The following FAM114A2 variants were observed in gnomAD, a reference collection of about 807,000 sequenced individuals.
FAM114A2 encodes family with sequence similarity 114 member A2.
FAM114A2 carries 53 observed loss-of-function variants against 58.4 expected under a neutral mutation model. The ratio of observed to expected loss-of-function variants is 0.91; its 90% confidence interval spans 0.73 to 1.14. The LOEUF (loss-of-function observed/expected upper bound fraction) is 1.14. Among genes scored for constraint, FAM114A2 ranks in the 50% most tolerant of loss-of-function variants. The probability of loss-of-function intolerance (pLI) is 0.00; values close to 1 mark genes in which losing one functional copy is unlikely to be tolerated. For missense variants in FAM114A2, 601 were observed against 581.1 expected, an observed-to-expected ratio of 1.03 and a Z score of -0.35; for synonymous variants, 228 against 211.4, an observed-to-expected ratio of 1.08 and a Z score of -0.68.
chr5:154,007,109 T>G (rs1770403768), intron 9 of FAM114A2, among the ~76,000 whole-genome samples: 1 of 152,142 alleles, frequency 6.6e-6, no homozygotes. Context: ...GATATTTTAG[T>G]AGGCATAGAG....
In FAM114A2 at chr5:153,997,306, T is replaced by C. The variant is rs1769635580; in HGVS notation, c.1329+497A>G. ...ATTCACATAAAAACATACATGCATG[T>C]TCATAGCAACATTATTCATTATAGC... On this transcript the variant is annotated intron_variant, in intron 12 of 13. Transcript: ENST00000351797. Among the ~76,000 whole-genome samples, 4 of 152,156 alleles carry C rather than the reference T, an allele frequency of 2.6e-5. No individual in the cohort carries two copies. The South Asian group carries it at 8.3e-4, about 32-fold the overall frequency.
chr5:154,020,037 T>G (rs1236240453), intron 8 of FAM114A2, among the ~76,000 whole-genome samples: 1 of 152,212 alleles, frequency 6.6e-6, no homozygotes, highest in Admixed American at 6.5e-5. Flanking sequence ...AACCTGCTCC[T>G]GAATGACCAC....
intron 8 of FAM114A2, among the ~76,000 whole-genome samples, chr5:154,014,480 G>A (rs927912892): frequency 1.3e-5 from 2 of 152,282 alleles, no homozygotes; most frequent in Non-Finnish European, 2.9e-5. Flanking sequence ...TACTGTGAGT[G>A]CCCAAATAGT....
chr5:154,015,057 A>G (rs1195894970), intron 8 of FAM114A2, among the ~76,000 whole-genome samples: 1 of 152,074 alleles, frequency 6.6e-6, no homozygotes, highest in African/African-American at 2.4e-5. Context: ...TGCATGACAC[A>G]GCAGAGGCAG....
At chr5:154,028,060 A>G in intron 6 of FAM114A2, 89 bp downstream of exon 6, 1 of 1,197,118 alleles carries the variant, frequency 8.4e-7, no homozygotes, top group Non-Finnish European at 1.2e-6. Flanking sequence ...ATGCTTGAAA[A>G]GAAAACACTA....
In FAM114A2 at chr5:153,991,929, C is replaced by T. The variant is rs1222236015; in HGVS notation, c.*1047G>A. ...GACAGCTTAATAGTCTCTTAAATTG[C>T]TGAAGAGAGCAAAAGAAAGCTTAAG... On this transcript the variant is annotated 3_prime_UTR_variant, in exon 14 of 14. Transcript: ENST00000351797. The T allele has an allele frequency of 6.6e-6, 1 of 151,916 alleles. No homozygotes were observed. Among genetic ancestry groups the T allele is most frequent in the African/African-American group, 2.4e-5 (1 of 41,372 alleles). 9.4% of individuals were successfully genotyped at this position (151,916 alleles called of 1,614,324 possible).
chr5:153,998,495 C>A (rs550953487), intron 11 of FAM114A2, among the ~76,000 whole-genome samples: 5 of 152,244 alleles, frequency 3.3e-5, no homozygotes, highest in African/African-American at 1.2e-4. Flanking sequence ...TAAATTAGGT[C>A]CCAGAGAACA....
intron 8 of FAM114A2, among the ~76,000 whole-genome samples, chr5:154,025,180 T>C (rs1771696101): frequency 6.6e-6 from 1 of 152,190 alleles, no homozygotes; most frequent in Non-Finnish European, 1.5e-5. Context: ...ACCATCATAC[T>C]TCAGTAGGCA....
At position 154,035,070 on chromosome 5, in the gene FAM114A2, A is replaced by G. The variant is rs536168332; in HGVS notation, c.-14-103T>C. ...GATTATCATAGATTCACATACAAGT[A>G]TAAGGAATAATACAGAGATCCCATA... On this transcript the variant is annotated intron_variant, in intron 1 of 13. Coordinates refer to ENST00000351797, the MANE Select transcript of FAM114A2 (RefSeq NM_018691.4). 2.9e-4 allele frequency: 195 copies of G among 673,390 alleles called. 1 individual carries two copies. Among genetic ancestry groups the G allele is most frequent in the Middle Eastern group, 8.0e-4 (2 of 2,492 alleles). The allele number at this position is 673,390 out of a possible 1,614,324, so 41.7% of individuals were successfully genotyped here. A position where few individuals can be genotyped will look rare whatever the true frequency, so the allele number is the denominator to read the frequency against.
intron 8 of FAM114A2, among the ~76,000 whole-genome samples, chr5:154,016,005 A>T (rs1771016157): frequency 2.6e-5 from 4 of 152,098 alleles, no homozygotes; most frequent in Admixed American, 2.6e-4. Flanking sequence ...AATAGAATTG[A>T]ACAAGCAGAA....
At chr5:154,033,725 GAA>G in intron 4 of FAM114A2, 64 bp downstream of exon 4, 1 of 951,870 alleles carries the variant, frequency 1.1e-6, no homozygotes, top group Non-Finnish European at 1.7e-6. Flanking sequence ...AATACCTACT[GAA>G]AAATTAGTTC....
intron 10 of FAM114A2, among the ~76,000 whole-genome samples, chr5:154,002,610 C>T (rs1402377605): frequency 6.6e-6 from 1 of 152,164 alleles, no homozygotes; most frequent in East Asian, 1.9e-4. Context: ...ATTTAGATAA[C>T]AAGTGTCAGG....
chr5:154,019,569 A>G (rs1184536490), intron 8 of FAM114A2, among the ~76,000 whole-genome samples: 2 of 152,202 alleles, frequency 1.3e-5, no homozygotes, highest in African/African-American at 2.4e-5. Flanking sequence ...GAGCCCACAC[A>G]GCCAAAGCAA....
intron 9 of FAM114A2, among the ~76,000 whole-genome samples, chr5:154,010,699 G>C (rs1014665299): frequency 6.6e-6 from 1 of 152,170 alleles, no homozygotes; most frequent in Non-Finnish European, 1.5e-5. Flanking sequence ...TCTGAGCTTT[G>C]ATTAAAGTCT....
chr5:154,024,800 T>C (rs1771671825), intron 8 of FAM114A2, among the ~76,000 whole-genome samples: 1 of 152,204 alleles, frequency 6.6e-6, no homozygotes, highest in East Asian at 1.9e-4. Context: ...CTCTGAGTTA[T>C]GCAGACTTTC....
At chr5:154,034,223 G>T in intron 3 of FAM114A2, 55 bp downstream of exon 3, 1 of 1,069,148 alleles carries the variant, frequency 9.4e-7, no homozygotes, top group Non-Finnish European at 1.4e-6. Flanking sequence ...ATGCAATGCA[G>T]ATCTGTATAA....
chr5:154,037,606 C>T (rs537040040), intron 1 of FAM114A2, among the ~76,000 whole-genome samples: 42 of 152,110 alleles, frequency 2.8e-4, no homozygotes, highest in Non-Finnish European at 5.1e-4. Context: ...CAGGTTGCAA[C>T]GCATCATTAT....
At chr5:154,003,083 A>G (rs907851157) in intron 9 of FAM114A2, 114 bp from the exon 10 acceptor site, 7 of 845,340 alleles carry the variant, frequency 8.3e-6, no homozygotes, top group Admixed American at 2.2e-5. Context: ...TCTTACCTGA[A>G]CGTACCATCT....
At position 153,997,823 on chromosome 5, in the gene FAM114A2, T is replaced by G; in HGVS notation, c.1309A>C (p.Thr437Pro). Residue 437 changes from threonine (T) to proline (P), a missense_variant, in exon 12 of 14, where the codon ACC (threonine) becomes CCC (proline). Physicochemically the swap from Thr to Pro is conservative, Grantham distance 38. Transcript: ENST00000351797. ...CTTACCCCAGCAGTTGTTAGGCAGG[T>G]AGTGAACTCTTTAGACAGAGAGGAC... ...ELSSLSKEFT[T>P]CLTTAGVKEM... 6.3e-7 allele frequency: 1 copy of G among 1,594,308 alleles called. No individual in the cohort carries two copies. Among genetic ancestry groups the G allele is most frequent in the Non-Finnish European group, 8.6e-7 (1 of 1,162,152 alleles).
Sources: gnomAD v4.1 joint callset for allele counts (sites outside exome capture counted in the v4.1 genomes callset) on GRCh38, gnomAD v4.1.1 for gene constraint, MANE v1.5 for transcripts, NCBI Gene and HGNC (gene_info 2026-07-23, HGNC 2026-07-21) for gene names.